GLDN: variants seen among roughly 807,000 people sequenced by gnomAD.
GLDN encodes collomin.
A neutral mutation model predicts 56.5 loss-of-function variants in GLDN; 47 were observed. That is an observed-to-expected ratio of 0.83 (90% CI 0.66 to 1.06). The LOEUF (loss-of-function observed/expected upper bound fraction) is 1.06. GLDN is among the 50% of genes least tolerant of loss of function. The probability of loss-of-function intolerance (pLI) is 0.00; values close to 1 mark genes in which losing one functional copy is unlikely to be tolerated. For synonymous variants in GLDN, 332 were observed against 278.8 expected (o/e 1.19, Z -1.90); for missense variants, 782 against 714.3 (o/e 1.09, Z -1.08).
At chr15:51,344,897 G>C (rs994742852) in intron 1 of GLDN, among the ~76,000 whole-genome samples, 1 of 152,184 alleles carries the variant, frequency 6.6e-6, no homozygotes, top group African/African-American at 2.4e-5. Context: ...AAAAAGGCAA[G>C]ATAATTATTA....
chr15:51,411,720 C>A (rs1595847650), downstream of GLDN, among the ~76,000 whole-genome samples: 1 of 152,138 alleles, frequency 6.6e-6, no homozygotes, highest in Non-Finnish European at 1.5e-5. Context: ...TTGACTTTTT[C>A]TTTTGTTCTC....
At chr15:51,364,695 T>C (rs2037366589) in intron 1 of GLDN, among the ~76,000 whole-genome samples, 1 of 152,254 alleles carries the variant, frequency 6.6e-6, no homozygotes, top group South Asian at 2.1e-4. Flanking sequence ...AGCCATTTTA[T>C]TGTCTTTGTC....
rs930727018 is a variant in GLDN, at chr15:51,404,913, G to T, written c.*159G>T. ...AGCCCCGCTTAGTGAAATAGCAACA[G>T]ATTGGAAGTTGAAATGGCTGAGATT... On this transcript the variant is annotated 3_prime_UTR_variant, in exon 10 of 10. Transcript: ENST00000335449. 10 of 616,250 alleles carry T rather than the reference G, an allele frequency of 1.6e-5. No homozygotes were observed. In the South Asian group the frequency reaches 2.0e-4, roughly 12 times the overall value. 38.2% of individuals were successfully genotyped at this position (616,250 alleles called of 1,614,324 possible).
chr15:51,354,784 C>T (rs987003726), intron 1 of GLDN, among the ~76,000 whole-genome samples: 1 of 152,050 alleles, frequency 6.6e-6, no homozygotes, highest in African/African-American at 2.4e-5. Flanking sequence ...TGGGAGCCAT[C>T]GTAGAACCTT....
In GLDN at chr15:51,357,127, TA is replaced by T. The variant is rs1472805929; in HGVS notation, c.363+15081del. Among the ~76,000 whole-genome samples, 3 of 152,330 alleles carry T rather than the reference TA, an allele frequency of 2.0e-5. No homozygotes were observed. In the East Asian group the frequency reaches 5.8e-4, roughly 29 times the overall value. On this transcript the variant is annotated intron_variant, in intron 1 of 9. Coordinates refer to ENST00000335449, the MANE Select transcript of GLDN (RefSeq NM_181789.4). The stretch of plus-strand genomic sequence containing the variant: ...AGCATAATTGGAAAATATTTGACTG[TA>T]GTTGGGCAACCCTTCCAGGTCCCCT...
chr15:51,382,925 C>A (rs531521358), intron 2 of GLDN, among the ~76,000 whole-genome samples: 1 of 152,206 alleles, frequency 6.6e-6, no homozygotes, highest in African/African-American at 2.4e-5. Flanking sequence ...TCTGGGCTCT[C>A]AATTTTTCTC....
chr15:51,410,734 A>G (rs1252737372), downstream of GLDN, among the ~76,000 whole-genome samples: 1 of 152,264 alleles, frequency 6.6e-6, no homozygotes, highest in Non-Finnish European at 1.5e-5. Context: ...GAAAAATTAT[A>G]GTAAAAATAT....
chr15:51,384,020 T>C (rs946883762), intron 4 of GLDN, 128 bp downstream of exon 4: 3 of 770,532 alleles, frequency 3.9e-6, no homozygotes, highest in Non-Finnish European at 6.8e-6. Flanking sequence ...CCGGTTTAAC[T>C]CTTACCTAGA....
chr15:51,375,054 A>C (rs963703626), intron 1 of GLDN, among the ~76,000 whole-genome samples: 2 of 152,216 alleles, frequency 1.3e-5, no homozygotes, highest in African/African-American at 4.8e-5. Context: ...TGTGATATGT[A>C]TGAATATTTC....
At chr15:51,351,598 C>A (rs2037077869) in intron 1 of GLDN, among the ~76,000 whole-genome samples, 1 of 152,214 alleles carries the variant, frequency 6.6e-6, no homozygotes, top group African/African-American at 2.4e-5. Context: ...GCTGGTTCAT[C>A]CTTCTCAAGC....
At chr15:51,388,137 A>T (rs193291878) in intron 4 of GLDN, among the ~76,000 whole-genome samples, 1 of 152,238 alleles carries the variant, frequency 6.6e-6, no homozygotes, top group East Asian at 1.9e-4. Context: ...CACCTCGTAT[A>T]CAAGATCATC....
intron 1 of GLDN, among the ~76,000 whole-genome samples, chr15:51,371,747 A>G (rs970130193): frequency 1.3e-5 from 2 of 152,152 alleles, no homozygotes; most frequent in Admixed American, 1.3e-4. Context: ...CAGTGGCTCG[A>G]TCTCAGCTCA....
At chr15:51,354,543 G>T (rs1179612300) in intron 1 of GLDN, among the ~76,000 whole-genome samples, 1 of 152,210 alleles carries the variant, frequency 6.6e-6, no homozygotes, top group Non-Finnish European at 1.5e-5. Flanking sequence ...ATGGAGAGTT[G>T]TTGAGACTGG....
chr15:51,363,285 G>C (rs764042768), intron 1 of GLDN, among the ~76,000 whole-genome samples: 5 of 152,116 alleles, frequency 3.3e-5, no homozygotes, highest in Non-Finnish European at 7.4e-5. Context: ...ATGAAACCCA[G>C]ACTGTTATTT....
chr15:51,401,888 A>G (rs578235714), intron 9 of GLDN, 145 bp downstream of exon 9: 2 of 710,980 alleles, frequency 2.8e-6, no homozygotes, highest in African/African-American at 3.6e-5. Context: ...GGGTTTGTCG[A>G]CTGAATGAAT....
At chr15:51,355,626 C>A (rs147133537) in intron 1 of GLDN, among the ~76,000 whole-genome samples, 4 of 150,104 alleles carry the variant, frequency 2.7e-5, no homozygotes, top group Non-Finnish European at 5.9e-5. Flanking sequence ...TGGGTTCAAG[C>A]GATTCTCCTG....
intron 1 of GLDN, among the ~76,000 whole-genome samples, chr15:51,358,615 C>A (rs1392474053): frequency 6.6e-6 from 1 of 152,156 alleles, no homozygotes; most frequent in Non-Finnish European, 1.5e-5. Context: ...GAAAAGGACA[C>A]CAGAACCATA....
downstream of GLDN, among the ~76,000 whole-genome samples, chr15:51,410,663 T>C (rs759137546): frequency 6.6e-5 from 10 of 152,232 alleles, no homozygotes; most frequent in Non-Finnish European, 1.3e-4. Flanking sequence ...GAACCCAACC[T>C]GTTGTAGAAT....
At chr15:51,404,035 C>T (rs1341972435) in intron 9 of GLDN, among the ~76,000 whole-genome samples, 3 of 144,414 alleles carry the variant, frequency 2.1e-5, no homozygotes, top group South Asian at 2.2e-4. Flanking sequence ...ATTATTCTGA[C>T]ACCACACCAC....
Sources: gnomAD v4.1 joint callset for allele counts (sites outside exome capture counted in the v4.1 genomes callset) on GRCh38, gnomAD v4.1.1 for gene constraint, MANE v1.5 for transcripts, NCBI Gene and HGNC (gene_info 2026-07-23, HGNC 2026-07-21) for gene names.